Variants in CCDC60 observed in about 807,000 individuals in gnomAD.
CCDC60 encodes coiled-coil domain-containing protein 60.
In CCDC60, 54 loss-of-function variants were observed where a neutral mutation model predicts 63.5. The observed-to-expected ratio is 0.85, with a 90% CI of 0.68 to 1.07. The LOEUF is 1.07. Among genes scored for constraint, CCDC60 ranks in the 50% least tolerant of loss-of-function variants. The pLI, the probability that CCDC60 is intolerant of heterozygous loss-of-function variation, is 0.00. For missense variants in CCDC60, 651 were observed against 684.3 expected (o/e 0.95, Z 0.54); for synonymous variants, 206 against 238.8 (o/e 0.86, Z 1.27).
chr12:119,498,777 T>C (rs1951773789), intron 5 of CCDC60, among the ~76,000 whole-genome samples: 1 of 152,194 alleles, frequency 6.6e-6, no homozygotes, highest in Non-Finnish European at 1.5e-5. Context: ...AAGATATATA[T>C]GGACAGAGAG....
At chr12:119,411,600 G>T (rs565085019) in intron 1 of CCDC60, among the ~76,000 whole-genome samples, 1 of 152,064 alleles carries the variant, frequency 6.6e-6, no homozygotes, top group Non-Finnish European at 1.5e-5. Context: ...TGAGGTAAAA[G>T]GTTTTACTTT....
chr12:119,514,729 C>T (rs1480097304), intron 7 of CCDC60, among the ~76,000 whole-genome samples: 1 of 151,946 alleles, frequency 6.6e-6, no homozygotes, highest in Non-Finnish European at 1.5e-5. Context: ...AGTAAATTTA[C>T]TGCAGCCTAA....
intron 13 of CCDC60, among the ~76,000 whole-genome samples, chr12:119,532,728 C>A (rs1414545402): frequency 1.3e-5 from 2 of 152,088 alleles, no homozygotes; most frequent in African/African-American, 4.8e-5. Context: ...TCATCTATGT[C>A]CCTGCAAAGG....
At chr12:119,511,086 A>G (rs1815195188) in intron 7 of CCDC60, among the ~76,000 whole-genome samples, 1 of 152,160 alleles carries the variant, frequency 6.6e-6, no homozygotes, top group African/African-American at 2.4e-5. Flanking sequence ...GAACACAAAA[A>G]TGACTGAAAA....
At position 119,365,636 on chromosome 12, in the gene CCDC60, A is replaced by C. The variant is rs574527086; in HGVS notation, c.90+30370A>C. 3.3e-5 allele frequency among the ~76,000 whole-genome samples: 5 copies of C among 152,382 alleles called. No homozygotes were observed. The South Asian group carries it at 1.0e-3, about 32-fold the overall frequency. On this transcript the variant is annotated intron_variant, in intron 1 of 13. Coordinates refer to ENST00000327554, the MANE Select transcript of CCDC60 (RefSeq NM_178499.5). ...AAGGGATCTATCAGTTAACCAAAGC[A>C]AGATAAATAGAACTGCCAATTAACT... is the stretch of plus-strand genomic sequence containing the variant.
chr12:119,348,714 C>A (rs574265498), intron 1 of CCDC60, among the ~76,000 whole-genome samples: 52 of 152,276 alleles, frequency 3.4e-4, no homozygotes, highest in Non-Finnish European at 6.3e-4. Flanking sequence ...ATGTGCATCC[C>A]AGCCATCTCC....
Position 119,501,518 on chromosome 12 carries a change from ACATC to A in CCDC60, c.648+1353_648+1356del, listed in dbSNP as rs1317132600. Among the ~76,000 whole-genome samples the A allele has an allele frequency of 5.3e-5, 8 of 152,318 alleles. No homozygotes were observed. The East Asian group carries it at 1.3e-3, about 26-fold the overall frequency. On this transcript the variant is annotated intron_variant, in intron 6 of 13. Transcript: ENST00000327554. ...ATCAATAGGTTTATTAAACATATAA[ACATC>A]CAATGCCTGGTCTTCCTGACCCCAT... is the stretch of plus-strand genomic sequence containing the variant.
At chr12:119,431,637 A>G (rs1160308578) in intron 2 of CCDC60, among the ~76,000 whole-genome samples, 1 of 152,050 alleles carries the variant, frequency 6.6e-6, no homozygotes. Context: ...GAGGGCTGTT[A>G]TCGTCATTGT....
At chr12:119,349,962 A>G (rs565697636) in intron 1 of CCDC60, among the ~76,000 whole-genome samples, 2 of 152,260 alleles carry the variant, frequency 1.3e-5, no homozygotes, top group South Asian at 4.1e-4. Flanking sequence ...CCACTCTAGT[A>G]GTCTCTTTAA....
Position 119,410,565 on chromosome 12 carries a change from T to C in CCDC60, c.91-18118T>C, listed in dbSNP as rs1212037965. On this transcript the variant is annotated intron_variant, in intron 1 of 13. Coordinates refer to ENST00000327554, the MANE Select transcript of CCDC60 (RefSeq NM_178499.5). The surrounding 1 kb of genome is among the most constrained non-coding windows in gnomAD (Gnocchi z 4.0). ...GAAAACCTTCATCACCACACCCCAA[T>C]ACACACACACACACAGGCACACACA... 1.3e-5 allele frequency among the ~76,000 whole-genome samples: 2 copies of C among 149,884 alleles called. No homozygotes were observed. The highest frequency in any genetic ancestry group is 3.0e-5 in the Non-Finnish European group (2 of 67,322).
intron 1 of CCDC60, among the ~76,000 whole-genome samples, chr12:119,371,980 G>A (rs761554690): frequency 5.9e-5 from 9 of 152,116 alleles, no homozygotes; most frequent in South Asian, 2.1e-4. Context: ...ATCTTAGGCC[G>A]GACGCAGTGG....
chr12:119,373,635 C>T (rs1490057411), intron 1 of CCDC60, among the ~76,000 whole-genome samples: 1 of 120,014 alleles, frequency 8.3e-6, no homozygotes, highest in Non-Finnish European at 1.6e-5. Context: ...TCTGTGCAAA[C>T]TTAGGCAAGA....
At chr12:119,370,856 C>T (rs931930505) in intron 1 of CCDC60, among the ~76,000 whole-genome samples, 5 of 151,906 alleles carry the variant, frequency 3.3e-5, no homozygotes, top group Non-Finnish European at 5.9e-5. Context: ...AGTGAGACCC[C>T]ATCTCTACAA....
intron 13 of CCDC60, among the ~76,000 whole-genome samples, chr12:119,532,310 A>G (rs1012975946): frequency 1.3e-5 from 2 of 152,070 alleles, no homozygotes; most frequent in Non-Finnish European, 2.9e-5. Flanking sequence ...AGGGAGTACT[A>G]GGGGCTCCTC....
At chr12:119,519,162 C>T (rs887270416) in intron 8 of CCDC60, among the ~76,000 whole-genome samples, 9 of 152,112 alleles carry the variant, frequency 5.9e-5, no homozygotes, top group Non-Finnish European at 1.2e-4. Context: ...CAAATCTGCT[C>T]CCATCAAGGC....
chr12:119,488,756 C>T lies in CCDC60; in HGVS notation c.450-3C>T. On this transcript the variant is annotated splice_polypyrimidine_tract_variant and splice_region_variant and intron_variant, in intron 4 of 13. Coordinates refer to ENST00000327554, the MANE Select transcript of CCDC60 (RefSeq NM_178499.5). ...ACTGTGTTCCCTCTCTCTGTCTTTG[C>T]AGCGAGCCCCTCTTCCGCCAGCTCT... The T allele has an allele frequency of 6.2e-7, 1 of 1,613,428 alleles. No homozygotes were observed. The highest frequency in any genetic ancestry group is 8.5e-7 in the Non-Finnish European group (1 of 1,179,336).
intron 1 of CCDC60, among the ~76,000 whole-genome samples, chr12:119,377,268 A>AG (rs1955961667): frequency 6.6e-6 from 1 of 150,416 alleles, no homozygotes; most frequent in African/African-American, 2.4e-5. Flanking sequence ...AAAAAAAAAA[A>AG]AAAAAAAAAA....
chr12:119,395,455 G>C (rs1189584708), intron 1 of CCDC60, among the ~76,000 whole-genome samples: 1 of 152,184 alleles, frequency 6.6e-6, no homozygotes, highest in Admixed American at 6.5e-5. Context: ...GGGGAAGAGA[G>C]AGAAAGAGTG....
At chr12:119,409,594 A>G (rs1441775435) in intron 1 of CCDC60, among the ~76,000 whole-genome samples, 2 of 152,328 alleles carry the variant, frequency 1.3e-5, no homozygotes, top group East Asian at 3.9e-4. Flanking sequence ...AGAAATGCAA[A>G]AAGATAAATG....
Sources: gnomAD v4.1 joint callset for allele counts (sites outside exome capture counted in the v4.1 genomes callset) on GRCh38, gnomAD v4.1.1 for gene constraint, Gnocchi (gnomAD v3.1) non-coding constraint, MANE v1.5 for transcripts, NCBI Gene and HGNC (gene_info 2026-07-23, HGNC 2026-07-21) for gene names.